Variants in TANGO6 observed in about 807,000 individuals in gnomAD.
The protein encoded by TANGO6 is transport and golgi organization 6 homolog.
Under a neutral mutation model 114.2 loss-of-function variants are expected in TANGO6, and 90 were observed. The ratio of observed to expected loss-of-function variants is 0.79; its 90% confidence interval spans 0.66 to 0.94. The LOEUF (loss-of-function observed/expected upper bound fraction) is 0.94. Ranked by LOEUF, TANGO6 falls within the 40% of genes least tolerant of loss-of-function variation. The pLI is 0.00. For missense variants in TANGO6, 1,274 were observed against 1,315.3 expected (o/e 0.97, Z 0.49); for synonymous variants, 477 against 509.8 (o/e 0.94, Z 0.87).
chr16:68,948,911 G>T (rs746109095), intron 14 of TANGO6, among the ~76,000 whole-genome samples: 1 of 152,246 alleles, frequency 6.6e-6, no homozygotes, highest in African/African-American at 2.4e-5. Flanking sequence ...GGGTGGCTGG[G>T]TGCGGTGGCT....
intron 15 of TANGO6, among the ~76,000 whole-genome samples, chr16:68,986,075 G>T (rs1047258044): frequency 6.6e-6 from 1 of 152,182 alleles, no homozygotes; most frequent in Non-Finnish European, 1.5e-5. Flanking sequence ...AGAGCTGGTG[G>T]TGTCATCATG....
At chr16:69,005,842 T>C (rs1399799757) in intron 15 of TANGO6, among the ~76,000 whole-genome samples, 1 of 151,926 alleles carries the variant, frequency 6.6e-6, no homozygotes, top group East Asian at 1.9e-4. Flanking sequence ...CCAGCCCCTA[T>C]TCAAGGTGGA....
At chr16:69,020,881 A>G (rs1304002918) in intron 15 of TANGO6, among the ~76,000 whole-genome samples, 1 of 136,126 alleles carries the variant, frequency 7.3e-6, no homozygotes, top group East Asian at 2.1e-4. Flanking sequence ...AGCAAGACCC[A>G]CCCCCCCTTT....
At chr16:68,884,618 G>T (rs1240733655) in intron 7 of TANGO6, among the ~76,000 whole-genome samples, 3 of 152,150 alleles carry the variant, frequency 2.0e-5, no homozygotes, top group African/African-American at 7.2e-5. Flanking sequence ...AGACTTGAAA[G>T]TACTGTCAGG....
At chr16:69,074,798 C>CTGTA (rs1555530706) in intron 17 of TANGO6, among the ~76,000 whole-genome samples, 1 of 135,172 alleles carries the variant, frequency 7.4e-6, no homozygotes, top group Non-Finnish European at 1.6e-5. Flanking sequence ...GTTCGAATGC[C>CTGTA]TGTGTGTGTG....
chr16:68,958,038 G>A (rs1024338644), intron 14 of TANGO6, among the ~76,000 whole-genome samples: 17 of 151,698 alleles, frequency 1.1e-4, no homozygotes, highest in African/African-American at 4.1e-4. Context: ...CGGGTGCAGT[G>A]GCAGTCCCCT....
intron 17 of TANGO6, among the ~76,000 whole-genome samples, chr16:69,058,562 A>G (rs1477249368): frequency 6.6e-6 from 1 of 152,248 alleles, no homozygotes; most frequent in Non-Finnish European, 1.5e-5. Flanking sequence ...TTCTGAAGGA[A>G]CTAATTAGAA....
chr16:68,924,149 A>T (rs1445481802), intron 12 of TANGO6, among the ~76,000 whole-genome samples: 1 of 152,186 alleles, frequency 6.6e-6, no homozygotes, highest in Non-Finnish European at 1.5e-5. Flanking sequence ...ACTTAAAAAG[A>T]AAATGACTTT....
chr16:68,980,885 C>T (rs1963829368), intron 15 of TANGO6, among the ~76,000 whole-genome samples: 1 of 151,760 alleles, frequency 6.6e-6, no homozygotes, highest in African/African-American at 2.4e-5. Flanking sequence ...GTGCCAGCTA[C>T]TCGGGAAGCT....
chr16:69,045,809 TA>T (rs956050901), intron 17 of TANGO6, among the ~76,000 whole-genome samples: 1 of 151,734 alleles, frequency 6.6e-6, no homozygotes, highest in Non-Finnish European at 1.5e-5. Flanking sequence ...CTCATGCTTG[TA>T]ATCCCAGCAC....
At chr16:68,993,964 G>C (rs1233272731) in intron 15 of TANGO6, among the ~76,000 whole-genome samples, 1 of 152,138 alleles carries the variant, frequency 6.6e-6, no homozygotes, top group East Asian at 1.9e-4. Flanking sequence ...GAACCAATCT[G>C]TTTGTCTTGT....
chr16:68,922,461 A>C (rs1384112068), intron 12 of TANGO6, among the ~76,000 whole-genome samples: 3 of 152,008 alleles, frequency 2.0e-5, no homozygotes, highest in Non-Finnish European at 4.4e-5. Context: ...GCTTGAACCC[A>C]GGAGGGGGAG....
intron 12 of TANGO6, among the ~76,000 whole-genome samples, 178 bp downstream of exon 12, chr16:68,919,397 C>T (rs1963057048): frequency 6.6e-6 from 1 of 152,170 alleles, no homozygotes; most frequent in Admixed American, 6.5e-5. Context: ...GAAAGTTGCA[C>T]CATTTCTACT....
At chr16:69,044,805 T>C (rs1413945731) in intron 17 of TANGO6, among the ~76,000 whole-genome samples, 1 of 152,024 alleles carries the variant, frequency 6.6e-6, no homozygotes, top group East Asian at 1.9e-4. Flanking sequence ...TTGCTTGAGC[T>C]CAGGAGTTCA....
intron 15 of TANGO6, among the ~76,000 whole-genome samples, chr16:68,986,083 A>G (rs1963887045): frequency 6.6e-6 from 1 of 152,178 alleles, no homozygotes; most frequent in Admixed American, 6.5e-5. Flanking sequence ...TGGTGTCATC[A>G]TGACGTACAA....
intron 16 of TANGO6, among the ~76,000 whole-genome samples, chr16:69,037,135 CAAAAAAAAAAAA>C (rs1232986110): frequency 2.2e-5 from 1 of 45,270 alleles, no homozygotes; most frequent in Non-Finnish European, 4.5e-5. Flanking sequence ...GAGTCCATCT[CAAAAAAAAAAAA>C]AAAAAAAAAG....
chr16:68,880,118 CTG>C (rs1962433952), intron 6 of TANGO6, among the ~76,000 whole-genome samples: 1 of 151,720 alleles, frequency 6.6e-6, no homozygotes, highest in South Asian at 2.1e-4. Context: ...GACTACAGGC[CTG>C]CCCCACCACA....
intron 4 of TANGO6, among the ~76,000 whole-genome samples, chr16:68,870,813 T>TC (rs1962254848): frequency 6.6e-6 from 1 of 151,958 alleles, no homozygotes; most frequent in Admixed American, 6.6e-5. Flanking sequence ...TTTTTTTTTT[T>TC]TTGAGACGGA....
chr16:68,947,424 A>G (rs1413294795), intron 14 of TANGO6, among the ~76,000 whole-genome samples: 1 of 151,958 alleles, frequency 6.6e-6, no homozygotes, highest in Non-Finnish European at 1.5e-5. Context: ...ACTGTACTCC[A>G]GCCTGGCGAC....
Sources: gnomAD v4.1 joint callset for allele counts (sites outside exome capture counted in the v4.1 genomes callset) on GRCh38, gnomAD v4.1.1 for gene constraint, MANE v1.5 for transcripts, NCBI Gene and HGNC (gene_info 2026-07-23, HGNC 2026-07-21) for gene names.